Variants in AGTPBP1 observed in about 807,000 individuals in gnomAD.
The protein encoded by AGTPBP1 is cytosolic carboxypeptidase 1.
A neutral mutation model predicts 143.9 loss-of-function variants in AGTPBP1; 70 were observed. The ratio of observed to expected loss-of-function variants is 0.49; its 90% CI spans 0.40 to 0.59. The LOEUF (loss-of-function observed/expected upper bound fraction) is 0.59. Ranked by LOEUF, AGTPBP1 falls within the 20% of genes least tolerant of loss-of-function variation. AGTPBP1 has a pLI of 0.00. For missense variants in AGTPBP1, 1,229 were observed against 1,464.5 expected (o/e 0.84, Z 2.62); for synonymous variants, 463 against 500.2 (o/e 0.93, Z 0.99).
chr9:85,580,198 T>C (rs1172202925), intron 23 of AGTPBP1, among the ~76,000 whole-genome samples: 2 of 150,718 alleles, frequency 1.3e-5, no homozygotes, highest in Admixed American at 6.6e-5. Context: ...GATTGCACCA[T>C]TGCACTCCAG....
At chr9:85,637,041 T>TTC (rs1554712369) in intron 13 of AGTPBP1, among the ~76,000 whole-genome samples, 18 of 90,436 alleles carry the variant, frequency 2.0e-4, no homozygotes, top group African/African-American at 7.2e-4. Context: ...CCCCAAAAAG[T>TTC]TTTTTTTTTT....
chr9:85,558,206 G>A (rs563840058), intron 25 of AGTPBP1, among the ~76,000 whole-genome samples: 1 of 152,252 alleles, frequency 6.6e-6, no homozygotes, highest in African/African-American at 2.4e-5. Flanking sequence ...AACCTCAAAA[G>A]CATGCTAAGT....
chr9:85,567,882 T>C (rs1480769084), intron 25 of AGTPBP1, among the ~76,000 whole-genome samples: 1 of 152,148 alleles, frequency 6.6e-6, no homozygotes, highest in Non-Finnish European at 1.5e-5. Flanking sequence ...GAGAAAGTGG[T>C]TGAGAACTTC....
chr9:85,778,722 T>G, the AGTPBP1 span, among the ~76,000 whole-genome samples: 1 of 152,156 alleles, frequency 6.6e-6, no homozygotes, highest in Non-Finnish European at 1.5e-5. Flanking sequence ...ATCCTTCACC[T>G]TAGAAGGAAT....
At chr9:85,651,878 G>A (rs1234447987) in intron 11 of AGTPBP1, among the ~76,000 whole-genome samples, 3 of 152,150 alleles carry the variant, frequency 2.0e-5, no homozygotes, top group Non-Finnish European at 2.9e-5. Context: ...AATGGATGCT[G>A]AAGACAAAAT....
chr9:85,762,538 G>A, the AGTPBP1 span, among the ~76,000 whole-genome samples: 12 of 149,744 alleles, frequency 8.0e-5, no homozygotes, highest in South Asian at 2.1e-4. Flanking sequence ...TCCAAACACT[G>A]CATGTTCTCA....
intron 2 of AGTPBP1, among the ~76,000 whole-genome samples, chr9:85,693,868 C>T (rs1267549764): frequency 6.6e-6 from 1 of 152,014 alleles, no homozygotes; most frequent in East Asian, 1.9e-4. Flanking sequence ...CATTTAAGAA[C>T]AGGCCTGAAA....
At chr9:85,787,171 G>A in the AGTPBP1 span, among the ~76,000 whole-genome samples, 2 of 151,836 alleles carry the variant, frequency 1.3e-5, no homozygotes, top group Admixed American at 1.3e-4. Context: ...GAAATTTTTT[G>A]GATTTTTAAA....
chr9:85,645,732 C>T (rs1832771596), intron 12 of AGTPBP1, among the ~76,000 whole-genome samples: 1 of 152,066 alleles, frequency 6.6e-6, no homozygotes. Context: ...CTAGAGTAGT[C>T]CTCTCTCTAT....
chr9:85,639,329 A>G (rs1832294328), intron 13 of AGTPBP1, among the ~76,000 whole-genome samples: 2 of 151,398 alleles, frequency 1.3e-5, no homozygotes, highest in African/African-American at 2.4e-5. Context: ...TAGCCTATCT[A>G]TGCATGCATA....
At chr9:85,613,538 A>G (rs745539091) in intron 17 of AGTPBP1, among the ~76,000 whole-genome samples, 1 of 151,934 alleles carries the variant, frequency 6.6e-6, no homozygotes, top group Non-Finnish European at 1.5e-5. Flanking sequence ...ATATAATACA[A>G]ATTATCAAGA....
At chr9:85,773,863 G>A in the AGTPBP1 span, 16 of 1,609,688 alleles carry the variant, frequency 9.9e-6, no homozygotes, top group African/African-American at 9.4e-5. Flanking sequence ...GAAGCTGAAC[G>A]GAAACAACAA....
rs140980468 is a variant in AGTPBP1 at position 85,650,682 on chromosome 9, C to T, written c.1088-4264G>A. Among the ~76,000 whole-genome samples, 23 of 152,260 alleles carry T rather than the reference C, an allele frequency of 1.5e-4. 1 individual carries two copies. The highest frequency in any genetic ancestry group is 5.5e-4 in the African/African-American group (23 of 41,552). ...GGTCAAGTCTGTATTCAAATGCATT[C>T]GCAGGAGTTGCCTTTAACATCTACT... On this transcript the variant is annotated intron_variant, in intron 11 of 25. Coordinates refer to ENST00000357081, the MANE Select transcript of AGTPBP1 (RefSeq NM_001330701.2).
At position 85,592,718 on chromosome 9, in the gene AGTPBP1, G is replaced by A. The variant is rs776240439; in HGVS notation, c.2424-14C>T. The stretch of plus-strand genomic sequence containing the variant: ...GAGAAATGATTTCTGCAATAAAAAC[G>A]CATAAAACATGTTCATTTCATCCAC... On this transcript the variant is annotated splice_polypyrimidine_tract_variant and intron_variant, in intron 18 of 25. Transcript: ENST00000357081. 1.1e-5 allele frequency: 17 copies of A among 1,605,490 alleles called. No individual in the cohort carries two copies. Among genetic ancestry groups the A allele is most frequent in the South Asian group, 3.4e-5 (3 of 89,082 alleles).
At chr9:85,641,680 G>C (rs1832478927) in intron 13 of AGTPBP1, among the ~76,000 whole-genome samples, 1 of 151,784 alleles carries the variant, frequency 6.6e-6, no homozygotes, top group Non-Finnish European at 1.5e-5. Flanking sequence ...ACTATGAAAT[G>C]TAAATTCTAG....
the AGTPBP1 span, among the ~76,000 whole-genome samples, chr9:85,798,525 C>T: frequency 6.6e-5 from 10 of 151,710 alleles, no homozygotes; most frequent in South Asian, 1.5e-3. Flanking sequence ...TGCCACCACG[C>T]GCAGCTACTT....
At chr9:85,722,182 T>G (rs925706470) in intron 1 of AGTPBP1, among the ~76,000 whole-genome samples, 5 of 152,200 alleles carry the variant, frequency 3.3e-5, no homozygotes, top group African/African-American at 1.2e-4. Context: ...ATGTATGTGT[T>G]GTTCTCTGTA....
At chr9:85,663,997 G>GTGCAAC (rs1240501509) in intron 8 of AGTPBP1, among the ~76,000 whole-genome samples, 5 of 152,128 alleles carry the variant, frequency 3.3e-5, no homozygotes, top group Non-Finnish European at 7.4e-5. Context: ...TTTTTGATAT[G>GTGCAAC]TGCAACATAA....
intron 6 of AGTPBP1, among the ~76,000 whole-genome samples, chr9:85,673,395 A>G (rs922801974): frequency 9.2e-5 from 14 of 152,304 alleles, no homozygotes; most frequent in African/African-American, 3.1e-4. Flanking sequence ...GTCCATTACA[A>G]TAATACTTAA....
Sources: gnomAD v4.1 joint callset for allele counts (sites outside exome capture counted in the v4.1 genomes callset) on GRCh38, gnomAD v4.1.1 for gene constraint, MANE v1.5 for transcripts, NCBI Gene and HGNC (gene_info 2026-07-23, HGNC 2026-07-21) for gene names.